Variants in PTPRD observed in about 807,000 individuals in gnomAD.
PTPRD encodes protein tyrosine phosphatase receptor type D.
PTPRD carries 34 observed loss-of-function variants against 214.5 expected under a neutral mutation model. The ratio of observed to expected loss-of-function variants is 0.16; its 90% CI spans 0.12 to 0.21. The LOEUF (loss-of-function observed/expected upper bound fraction) is 0.21, where lower values mean the gene tolerates loss of function less well. Among genes scored for constraint, PTPRD ranks in the 10% least tolerant of loss-of-function variants. The pLI, the probability that PTPRD is intolerant of heterozygous loss-of-function variation, is 1.00. For synonymous variants in PTPRD, 1,128 were observed against 845.7 expected, an observed-to-expected ratio of 1.33 and a Z score of -5.79; for missense variants, 2,545 against 2,398.7, an observed-to-expected ratio of 1.06 and a Z score of -1.27.
At chr9:8,868,066 C>T (rs1261381503) in intron 11 of PTPRD, among the ~76,000 whole-genome samples, 1 of 152,110 alleles carries the variant, frequency 6.6e-6, no homozygotes, top group Non-Finnish European at 1.5e-5. Context: ...CTTGCAAACC[C>T]GTAGAATGAT....
intron 11 of PTPRD, among the ~76,000 whole-genome samples, chr9:8,819,288 T>A (rs1200975971): frequency 1.3e-5 from 2 of 152,188 alleles, no homozygotes; most frequent in Non-Finnish European, 2.9e-5. Flanking sequence ...CTCATTCTAA[T>A]ACAACATATG....
intron 24 of PTPRD, 38 bp downstream of exon 24, chr9:8,500,716 T>A (rs1473991963): frequency 1.2e-6 from 2 of 1,601,086 alleles, no homozygotes; most frequent in Non-Finnish European, 1.7e-6. Context: ...CAAGACTGTG[T>A]CAGAAGGGTG....
At chr9:9,878,627 T>C (rs765039897) in intron 5 of PTPRD, among the ~76,000 whole-genome samples, 114 of 152,292 alleles carry the variant, frequency 7.5e-4, no homozygotes, top group Non-Finnish European at 3.4e-4. Flanking sequence ...CATTGCTGGA[T>C]GAATGATAGA....
At position 8,601,478 on chromosome 9, in the gene PTPRD, G is replaced by A. The variant is rs932191693; in HGVS notation, c.352+31839C>T. Among the ~76,000 whole-genome samples the A allele has an allele frequency of 4.3e-4, 65 of 152,164 alleles. 1 individual carries two copies. Among genetic ancestry groups the A allele is most frequent in the African/African-American group, 1.5e-3 (63 of 41,436 alleles). On this transcript the variant is annotated intron_variant, in intron 14 of 45. Coordinates refer to ENST00000381196, the MANE Select transcript of PTPRD (RefSeq NM_002839.4). ...TCAGCTATGACACAGCATAGTCCCA[G>A]TGGTGATGGCCACAGGGTTTTTTCT...
At chr9:8,326,001 G>C (rs1833308419) in intron 44 of PTPRD, among the ~76,000 whole-genome samples, 1 of 152,116 alleles carries the variant, frequency 6.6e-6, no homozygotes, top group Admixed American at 6.6e-5. Context: ...AATATACAAT[G>C]TTGTCATGTG....
chr9:9,909,585 G>C (rs766613126), intron 5 of PTPRD, among the ~76,000 whole-genome samples: 10 of 151,852 alleles, frequency 6.6e-5, no homozygotes, highest in Non-Finnish European at 1.3e-4. Flanking sequence ...ACTGTAAAAT[G>C]TATAAAATAT....
chr9:8,846,435 G>A (rs938071101), intron 11 of PTPRD, among the ~76,000 whole-genome samples: 2 of 152,124 alleles, frequency 1.3e-5, no homozygotes, highest in Non-Finnish European at 2.9e-5. Flanking sequence ...TAATAAAACA[G>A]AGTAAAAATA....
Position 8,521,257 on chromosome 9 carries a change from G to A in PTPRD, c.961+20C>T, listed in dbSNP as rs375086211. The A allele has an allele frequency of 1.3e-6, 2 of 1,598,330 alleles. No homozygotes were observed. ...GCTTGAGTGTACCCAGATCCTCAAA[G>A]CATAATCCATTGAGCATACCTTTGA... On this transcript the variant is annotated intron_variant, in intron 20 of 45. Coordinates refer to ENST00000381196, the MANE Select transcript of PTPRD (RefSeq NM_002839.4).
intron 10 of PTPRD, among the ~76,000 whole-genome samples, chr9:9,046,824 A>C (rs1032768441): frequency 6.6e-6 from 1 of 152,186 alleles, no homozygotes; most frequent in African/African-American, 2.4e-5. Context: ...ACTGAATGGG[A>C]AAAACTGAAA....
At chr9:9,864,150 A>G (rs773047164) in intron 5 of PTPRD, among the ~76,000 whole-genome samples, 2 of 152,116 alleles carry the variant, frequency 1.3e-5, no homozygotes, top group African/African-American at 2.4e-5. Flanking sequence ...ACTAAAAAAT[A>G]CAAAAATTAG....
intron 35 of PTPRD, among the ~76,000 whole-genome samples, chr9:8,418,452 C>A (rs1037380318): frequency 6.6e-6 from 1 of 152,048 alleles, no homozygotes; most frequent in African/African-American, 2.4e-5. Flanking sequence ...TTTCATTTGA[C>A]AATTCTTTAT....
Position 8,326,238 on chromosome 9 carries a change from C to T in PTPRD, c.5534+5344G>A, listed in dbSNP as rs542088280. 3.3e-5 allele frequency among the ~76,000 whole-genome samples: 5 copies of T among 152,232 alleles called. 1 individual carries two copies. Among genetic ancestry groups the T allele is most frequent in the Admixed American group, 2.0e-4 (3 of 15,282 alleles). Reference sequence around the variant, plus strand: ...AAATAGCTCTTCTTCTTTTGAGATACGTTCCATCAGTACCTAGTTTTTTGA... The same window carrying T: ...AAATAGCTCTTCTTCTTTTGAGATATGTTCCATCAGTACCTAGTTTTTTGA... On this transcript the variant is annotated intron_variant, in intron 44 of 45. Transcript: ENST00000381196.
chr9:8,442,244 A>G (rs902743816), intron 34 of PTPRD, among the ~76,000 whole-genome samples: 2 of 152,230 alleles, frequency 1.3e-5, no homozygotes, highest in African/African-American at 4.8e-5. Flanking sequence ...TTTGCTTTTC[A>G]AAAGTCCTGC....
At chr9:9,242,132 G>T (rs1439216076) in intron 9 of PTPRD, among the ~76,000 whole-genome samples, 3 of 152,016 alleles carry the variant, frequency 2.0e-5, no homozygotes, top group Non-Finnish European at 4.4e-5. Flanking sequence ...ATGAAATTCT[G>T]GGTTGAAAAT....
At chr9:9,871,770 G>C (rs968084087) in intron 5 of PTPRD, among the ~76,000 whole-genome samples, 1 of 152,022 alleles carries the variant, frequency 6.6e-6, no homozygotes, top group Non-Finnish European at 1.5e-5. Context: ...GAAGCTCATG[G>C]GCAGAGGGTA....
At chr9:10,360,867 C>T (rs761036570) in intron 2 of PTPRD, among the ~76,000 whole-genome samples, 2 of 152,140 alleles carry the variant, frequency 1.3e-5, no homozygotes, top group Non-Finnish European at 2.9e-5. Context: ...CTTTGGGAGG[C>T]CAAGACGGGC....
At chr9:9,321,661 G>A (rs1966624191) in intron 9 of PTPRD, among the ~76,000 whole-genome samples, 1 of 151,988 alleles carries the variant, frequency 6.6e-6, no homozygotes, top group Non-Finnish European at 1.5e-5. Context: ...TTTAGCTTCA[G>A]AGATTGACCA....
chr9:9,689,975 G>C (rs150424128), intron 7 of PTPRD, among the ~76,000 whole-genome samples: 3 of 151,628 alleles, frequency 2.0e-5, no homozygotes, highest in Non-Finnish European at 4.4e-5. Flanking sequence ...CTTATGTATT[G>C]ATTTCCTTTC....
intron 10 of PTPRD, among the ~76,000 whole-genome samples, chr9:9,026,856 G>C (rs1351221775): frequency 6.6e-6 from 1 of 151,650 alleles, no homozygotes; most frequent in Non-Finnish European, 1.5e-5. Flanking sequence ...TCTCTAAGCT[G>C]GACTCTCCTA....
Sources: allele counts gnomAD v4.1 joint callset (sites outside exome capture counted in the v4.1 genomes callset), GRCh38; gene constraint gnomAD v4.1.1; transcripts MANE v1.5; gene names NCBI Gene and HGNC (gene_info 2026-07-23, HGNC 2026-07-21).